The following RHBDL3 variants were observed in gnomAD, a reference collection of about 807,000 sequenced individuals.
RHBDL3 encodes rhomboid-related protein 3.
In RHBDL3, 28 loss-of-function variants were observed where a neutral mutation model predicts 48.2. That is an observed-to-expected ratio of 0.58 (90% CI 0.43 to 0.80). RHBDL3 has a LOEUF of 0.80. Ranked by LOEUF, RHBDL3 falls within the 30% of genes least tolerant of loss-of-function variation. The probability of loss-of-function intolerance (pLI) is 0.00; values close to 1 mark genes in which losing one functional copy is unlikely to be tolerated. For synonymous variants in RHBDL3, 208 were observed against 232.3 expected, an observed-to-expected ratio of 0.90 and a Z score of 0.95; for missense variants, 464 against 542.7, an observed-to-expected ratio of 0.85 and a Z score of 1.44.
intron 2 of RHBDL3, among the ~76,000 whole-genome samples, chr17:32,272,720 T>C (rs1033832948): frequency 6.6e-6 from 1 of 152,244 alleles, no homozygotes; most frequent in Non-Finnish European, 1.5e-5. Context: ...TGCATTTGAT[T>C]GCTTTGGGCA....
chr17:32,267,770 C>T, intron 1 of RHBDL3, 132 bp from the exon 2 acceptor site: 1 of 1,554,844 alleles, frequency 6.4e-7, no homozygotes, highest in East Asian at 2.3e-5. Context: ...GTCCCTGAGC[C>T]TGGTCATGAC....
chr17:32,317,538 A>G (rs558367118), intron 8 of RHBDL3, among the ~76,000 whole-genome samples: 21 of 152,330 alleles, frequency 1.4e-4, no homozygotes, highest in Admixed American at 1.3e-3. Context: ...GTGTAAGAGG[A>G]CATTTCAGGC....
intron 8 of RHBDL3, among the ~76,000 whole-genome samples, chr17:32,318,280 C>T (rs2150758557): frequency 6.6e-6 from 1 of 150,626 alleles, no homozygotes; most frequent in African/African-American, 2.5e-5. Flanking sequence ...GAGCTATGAT[C>T]ATGCCACTGC....
In RHBDL3 at chr17:32,324,302, T is replaced by C. The variant is rs954510369; in HGVS notation, c.*3073T>C. ...CAGCTAATAGGACTCTCGATTTCCA[T>C]GAGAACCATTCTTGCCCAGAGGATT... On this transcript the variant is annotated 3_prime_UTR_variant, in exon 9 of 9. Transcript: ENST00000269051. The C allele has an allele frequency of 6.5e-5, 10 of 152,672 alleles. No homozygotes were observed. Among genetic ancestry groups the C allele is most frequent in the Non-Finnish European group, 2.9e-5 (2 of 68,044 alleles). 9.5% of individuals were successfully genotyped at this position (152,672 alleles called of 1,614,324 possible).
intron 1 of RHBDL3, among the ~76,000 whole-genome samples, chr17:32,267,220 C>T (rs982425490): frequency 3.3e-5 from 5 of 152,136 alleles, no homozygotes; most frequent in Non-Finnish European, 5.9e-5. Flanking sequence ...TCTTTGGCGT[C>T]TGCGGTTAAA....
At chr17:32,303,003 C>T (rs1597668758) in intron 6 of RHBDL3, among the ~76,000 whole-genome samples, 1 of 152,284 alleles carries the variant, frequency 6.6e-6, no homozygotes, top group Admixed American at 6.5e-5. Flanking sequence ...GAAAGAAAAC[C>T]GAAGCCCAAA....
At chr17:32,288,719 C>A in intron 3 of RHBDL3, 73 bp from the exon 4 acceptor site, 2 of 1,119,654 alleles carry the variant, frequency 1.8e-6, no homozygotes, top group Non-Finnish European at 2.6e-6. Context: ...AAGGAACATG[C>A]TGGCTGGGAA....
intron 8 of RHBDL3, among the ~76,000 whole-genome samples, chr17:32,319,058 C>T (rs1446204140): frequency 2.0e-5 from 3 of 151,606 alleles, no homozygotes; most frequent in Non-Finnish European, 4.4e-5. Flanking sequence ...ATAGCTTCTG[C>T]GTCTGCTTAG....
At chr17:32,268,593 T>C (rs113763649) in intron 2 of RHBDL3, among the ~76,000 whole-genome samples, 90 of 152,288 alleles carry the variant, frequency 5.9e-4, no homozygotes, top group African/African-American at 2.0e-3. Flanking sequence ...GGTGCTGTTA[T>C]GTGCTTCCTT....
intron 3 of RHBDL3, among the ~76,000 whole-genome samples, chr17:32,287,581 C>A (rs1056847274): frequency 6.6e-6 from 1 of 152,168 alleles, no homozygotes; most frequent in Admixed American, 6.5e-5. Flanking sequence ...GAAGTTCACA[C>A]CACCTGGCCT....
At chr17:32,270,300 C>T (rs2039744046) in intron 2 of RHBDL3, among the ~76,000 whole-genome samples, 1 of 152,038 alleles carries the variant, frequency 6.6e-6, no homozygotes, top group Non-Finnish European at 1.5e-5. Flanking sequence ...AGTATCTCCT[C>T]CCTCCCTTCT....
Position 32,324,294 on chromosome 17 carries a change from G to A in RHBDL3, c.*3065G>A, listed in dbSNP as rs776815363. 1.3e-5 allele frequency: 2 copies of A among 152,596 alleles called. No homozygotes were observed. Among genetic ancestry groups the A allele is most frequent in the African/African-American group, 2.4e-5 (1 of 41,432 alleles). 9.5% of individuals were successfully genotyped at this position (152,596 alleles called of 1,614,324 possible). A position where few individuals can be genotyped will look rare whatever the true frequency, so the allele number is the denominator to read the frequency against. On this transcript the variant is annotated 3_prime_UTR_variant, in exon 9 of 9. Transcript: ENST00000269051. The stretch of plus-strand genomic sequence containing the variant: ...TCTTTTGCCAGCTAATAGGACTCTC[G>A]ATTTCCATGAGAACCATTCTTGCCC...
In RHBDL3 at chr17:32,316,593, C is replaced by T. The variant is rs148088834; in HGVS notation, c.943+301C>T. On this transcript the variant is annotated intron_variant, in intron 8 of 8. Transcript: ENST00000269051. ...GCAGTGGCACAATCATAGCTCACTG[C>T]AGCATCAGACTCCTGCCTGGGCTCC... Among the ~76,000 whole-genome samples, 1,206 of 152,184 alleles carry T rather than the reference C, an allele frequency of 7.9e-3. 12 individuals are homozygous for T. The highest frequency in any genetic ancestry group is 0.027 in the African/African-American group (1,133 of 41,540).
intron 5 of RHBDL3, among the ~76,000 whole-genome samples, chr17:32,294,799 C>T (rs545218199): frequency 6.6e-6 from 1 of 152,238 alleles, no homozygotes; most frequent in East Asian, 1.9e-4. Context: ...GGGAGTCAAG[C>T]CACCAGATTT....
intron 7 of RHBDL3, among the ~76,000 whole-genome samples, chr17:32,306,495 C>T (rs1207261691): frequency 1.3e-5 from 2 of 152,230 alleles, no homozygotes; most frequent in African/African-American, 2.4e-5. Context: ...CACCCTCTGC[C>T]TTTTCCTGAA....
At chr17:32,306,985 A>G (rs2040726151) in intron 7 of RHBDL3, among the ~76,000 whole-genome samples, 1 of 152,218 alleles carries the variant, frequency 6.6e-6, no homozygotes, top group African/African-American at 2.4e-5. Context: ...AGTGCAAATA[A>G]CCACCTATAT....
At chr17:32,313,831 A>G (rs1268508896) in intron 7 of RHBDL3, among the ~76,000 whole-genome samples, 2 of 130,712 alleles carry the variant, frequency 1.5e-5, no homozygotes, top group African/African-American at 5.8e-5. Flanking sequence ...ATCTCGGCTC[A>G]CTGCAAGCTC....
intron 4 of RHBDL3, among the ~76,000 whole-genome samples, chr17:32,289,741 T>G (rs2040282287): frequency 6.6e-6 from 1 of 152,260 alleles, no homozygotes; most frequent in African/African-American, 2.4e-5. Context: ...CAACAACCTG[T>G]GCAGCCCACC....
rs1038861299 is a variant in RHBDL3 at position 32,266,012 on chromosome 17, A to AGGC, written c.-167_-165dup. On this transcript the variant is annotated 5_prime_UTR_variant, in exon 1 of 9. Coordinates refer to ENST00000269051, the MANE Select transcript of RHBDL3 (RefSeq NM_138328.3). ...GGCCGGGCGTCCCGGGGTCGCGAGG[A>AGGC]GGCGGCGGCGGCGCGGGGACCGGGG... 4.2e-5 allele frequency among the ~76,000 whole-genome samples: 6 copies of AGGC among 141,310 alleles called. No homozygotes were observed. The highest frequency in any genetic ancestry group is 5.1e-5 in the African/African-American group (2 of 38,946). The allele number at this position is 141,310 out of a possible 152,430, so 92.7% of individuals were successfully genotyped here. A position where few individuals can be genotyped will look rare whatever the true frequency, so the allele number is the denominator to read the frequency against.
Sources: allele counts gnomAD v4.1 joint callset (sites outside exome capture counted in the v4.1 genomes callset), GRCh38; gene constraint gnomAD v4.1.1; transcripts MANE v1.5; gene names NCBI Gene and HGNC (gene_info 2026-07-23, HGNC 2026-07-21).